The following GPC6 variants were observed in gnomAD, a reference collection of about 807,000 sequenced individuals.
GPC6 encodes the protein glypican-6.
A neutral mutation model predicts 55.2 loss-of-function variants in GPC6; 14 were observed. The ratio of observed to expected loss-of-function variants is 0.25; its 90% CI spans 0.17 to 0.40. GPC6 has a LOEUF of 0.40. Ranked by LOEUF, GPC6 falls within the 10% of genes least tolerant of loss-of-function variation. The pLI, the probability that GPC6 is intolerant of heterozygous loss-of-function variation, is 1.00. For synonymous variants in GPC6, 278 were observed against 259.6 expected (o/e 1.07, Z -0.68); for missense variants, 641 against 708.5 (o/e 0.90, Z 1.08).
intron 2 of GPC6, among the ~76,000 whole-genome samples, chr13:93,694,100 A>AT (rs1383160121): frequency 6.6e-6 from 1 of 152,150 alleles, no homozygotes; most frequent in Non-Finnish European, 1.5e-5. Flanking sequence ...AACACATCTG[A>AT]TTTTTCCAAT....
intron 4 of GPC6, among the ~76,000 whole-genome samples, chr13:94,270,786 A>C (rs558971212): frequency 4.6e-5 from 7 of 152,220 alleles, no homozygotes; most frequent in African/African-American, 1.7e-4. Flanking sequence ...CTGCATTCTC[A>C]AAATCAACAA....
At chr13:93,953,067 G>A (rs1486296730) in intron 3 of GPC6, among the ~76,000 whole-genome samples, 2 of 151,592 alleles carry the variant, frequency 1.3e-5, no homozygotes. Flanking sequence ...CTTAGATGCT[G>A]TCAGATCATT....
chr13:94,076,341 G>T (rs966022763), intron 4 of GPC6, among the ~76,000 whole-genome samples: 1 of 151,736 alleles, frequency 6.6e-6, no homozygotes, highest in South Asian at 2.1e-4. Context: ...AGATGTGGTT[G>T]TTCCTTATAT....
intron 1 of GPC6, among the ~76,000 whole-genome samples, chr13:93,441,062 T>C (rs1455083889): frequency 2.0e-5 from 3 of 152,220 alleles, no homozygotes; most frequent in South Asian, 2.1e-4. Flanking sequence ...CCATGGTGTA[T>C]ATGTGCCACA....
intron 2 of GPC6, among the ~76,000 whole-genome samples, chr13:93,713,365 G>C (rs1883138707): frequency 6.6e-6 from 1 of 151,396 alleles, no homozygotes; most frequent in African/African-American, 2.4e-5. Context: ...GCAAGATCTG[G>C]TTCTTTTAAA....
At chr13:93,650,870 T>A (rs181965967) in intron 2 of GPC6, among the ~76,000 whole-genome samples, 1,095 of 36,546 alleles carry the variant, frequency 0.03, 8 homozygotes, top group Non-Finnish European at 0.073. Context: ...CAAAATCACA[T>A]TTTTTTTTTA....
chr13:94,072,510 C>T (rs1047598087), intron 4 of GPC6, among the ~76,000 whole-genome samples: 5 of 152,132 alleles, frequency 3.3e-5, no homozygotes, highest in South Asian at 2.1e-4. Flanking sequence ...CGTGCTGCCA[C>T]GTCCGGCTAA....
chr13:93,437,499 T>C lies in GPC6; in HGVS notation c.161-107764T>C, dbSNP rs957130162. Among the ~76,000 whole-genome samples the C allele has an allele frequency of 3.0e-4, 45 of 152,232 alleles. 1 individual carries two copies. The highest frequency in any genetic ancestry group is 7.3e-5 in the Non-Finnish European group (5 of 68,046). The stretch of plus-strand genomic sequence containing the variant: ...TAAGAAAGTGAAACAGCCTTATTGC[T>C]GATATGTAGAAGGTTTCAGTGGTCT... On this transcript the variant is annotated intron_variant, in intron 1 of 8. Transcript: ENST00000377047.
At chr13:93,446,578 A>T (rs1339746861) in intron 1 of GPC6, among the ~76,000 whole-genome samples, 2 of 152,158 alleles carry the variant, frequency 1.3e-5, no homozygotes, top group East Asian at 3.9e-4. Context: ...CTACAGGAAT[A>T]ATTAGACATA....
chr13:93,481,189 C>T (rs565614483), intron 1 of GPC6, among the ~76,000 whole-genome samples: 2 of 152,110 alleles, frequency 1.3e-5, no homozygotes, highest in Non-Finnish European at 2.9e-5. Flanking sequence ...TGATGGCTGA[C>T]AATTTTGAGC....
At chr13:93,300,537 A>G (rs1404124568) in intron 1 of GPC6, among the ~76,000 whole-genome samples, 3 of 151,674 alleles carry the variant, frequency 2.0e-5, no homozygotes, top group Non-Finnish European at 4.4e-5. Context: ...AGTCCCAGCT[A>G]CTTGGGAGGC....
At chr13:94,360,885 T>C in intron 6 of GPC6, among the ~76,000 whole-genome samples, 1 of 152,178 alleles carries the variant, frequency 6.6e-6, no homozygotes, top group Non-Finnish European at 1.5e-5. Context: ...CTACTACTTG[T>C]GCTATGTGAT....
Position 94,093,680 on chromosome 13 carries a change from A to G in GPC6, c.877+65786A>G, listed in dbSNP as rs1296308377. On this transcript the variant is annotated intron_variant, in intron 4 of 8. Transcript: ENST00000377047. ...GATAGGGATTGCATTGAATCTGTAG[A>G]TCACTTTGGGTAGTAGGGACATTGT... Among the ~76,000 whole-genome samples, 5 of 152,140 alleles carry G rather than the reference A, an allele frequency of 3.3e-5. No homozygotes were observed. The East Asian group carries it at 7.7e-4, about 23-fold the overall frequency.
chr13:94,066,204 G>C (rs1406653657), intron 4 of GPC6, among the ~76,000 whole-genome samples: 1 of 152,072 alleles, frequency 6.6e-6, no homozygotes, highest in East Asian at 1.9e-4. Context: ...GATATTCATG[G>C]TCTAATCTTG....
chr13:93,292,717 T>C (rs1187388444), intron 1 of GPC6, among the ~76,000 whole-genome samples: 2 of 151,054 alleles, frequency 1.3e-5, no homozygotes, highest in Non-Finnish European at 2.9e-5. Context: ...TTTAAATGTA[T>C]AATTACCATC....
chr13:93,763,927 G>T (rs971453860), intron 2 of GPC6, among the ~76,000 whole-genome samples: 1 of 151,540 alleles, frequency 6.6e-6, no homozygotes, highest in African/African-American at 2.4e-5. Flanking sequence ...GGCTTTCCTT[G>T]CATAGAATGT....
At chr13:93,601,792 G>T (rs1342181393) in intron 2 of GPC6, among the ~76,000 whole-genome samples, 3 of 152,224 alleles carry the variant, frequency 2.0e-5, no homozygotes, top group African/African-American at 7.2e-5. Context: ...TTTTGAGAGA[G>T]AAGTCTCCTC....
intron 2 of GPC6, among the ~76,000 whole-genome samples, chr13:93,760,577 C>G (rs1171601943): frequency 6.6e-6 from 1 of 152,164 alleles, no homozygotes; most frequent in African/African-American, 2.4e-5. Context: ...CAAGCCTTCT[C>G]CCTTAGACCT....
intron 1 of GPC6, among the ~76,000 whole-genome samples, chr13:93,236,331 C>G (rs1173192956): frequency 3.3e-5 from 5 of 152,014 alleles, no homozygotes; most frequent in African/African-American, 1.2e-4. Flanking sequence ...TACCTGTCAC[C>G]CAAATAGTGT....
Sources: gnomAD v4.1 joint callset for allele counts (sites outside exome capture counted in the v4.1 genomes callset) on GRCh38, gnomAD v4.1.1 for gene constraint, MANE v1.5 for transcripts, NCBI Gene and HGNC (gene_info 2026-07-23, HGNC 2026-07-21) for gene names.